PPM1G: variants seen among roughly 807,000 people sequenced by gnomAD.
The protein encoded by PPM1G is protein phosphatase 1G.
Under a neutral mutation model 59.4 loss-of-function variants are expected in PPM1G, and 12 were observed. The observed-to-expected ratio is 0.20, with a 90% CI of 0.13 to 0.33. The LOEUF (loss-of-function observed/expected upper bound fraction) is 0.33, where lower values mean the gene tolerates loss of function less well. Ranked by LOEUF, PPM1G falls within the 10% of genes least tolerant of loss-of-function variation. The pLI, the probability that PPM1G is intolerant of heterozygous loss-of-function variation, is 1.00. For synonymous variants in PPM1G, 245 were observed against 251.9 expected (o/e 0.97, Z 0.26); for missense variants, 392 against 681.3 (o/e 0.58, Z 4.73).
intron 1 of PPM1G, among the ~76,000 whole-genome samples, chr2:27,397,142 T>TA (rs1035821777): frequency 2.6e-5 from 4 of 152,036 alleles, no homozygotes; most frequent in African/African-American, 9.7e-5. Context: ...GTGCTGGGAT[T>TA]ACAGGCGTGA....
rs1000344477 is a variant in PPM1G at position 27,393,236 on chromosome 2, G to T, written c.121-6078C>A. ...CAAAGTTCTTCAAAGCCACATCATC[G>T]CTGTCAAAGTAGTAAGCCACGCACA... On this transcript the variant is annotated intron_variant, in intron 1 of 9. Coordinates refer to ENST00000344034, the MANE Select transcript of PPM1G (RefSeq NM_177983.3). The T allele has an allele frequency of 5.7e-6, 9 of 1,569,472 alleles. No individual in the cohort carries two copies. In the African/African-American group the frequency reaches 9.4e-5, roughly 16 times the overall value.
At chr2:27,403,908 C>T (rs1249322564) in intron 1 of PPM1G, among the ~76,000 whole-genome samples, 1 of 151,744 alleles carries the variant, frequency 6.6e-6, no homozygotes, top group Non-Finnish European at 1.5e-5. Context: ...GAAATTCTGA[C>T]CTGGTTTAGT....
intron 1 of PPM1G, among the ~76,000 whole-genome samples, chr2:27,402,114 C>T (rs1421933151): frequency 7.2e-6 from 1 of 138,050 alleles, no homozygotes; most frequent in Non-Finnish European, 1.6e-5. Flanking sequence ...TTTCTGCTAG[C>T]ATTGGGTCAA....
chr2:27,385,582 C>G lies in PPM1G; in HGVS notation c.409+165G>C. The G allele has an allele frequency of 1.2e-6, 1 of 852,486 alleles. No homozygotes were observed. Among genetic ancestry groups the G allele is most frequent in the Admixed American group, 3.1e-5 (1 of 32,264 alleles). 52.8% of individuals were successfully genotyped at this position (852,486 alleles called of 1,614,324 possible). On this transcript the variant is annotated intron_variant, in intron 4 of 9. Coordinates refer to ENST00000344034, the MANE Select transcript of PPM1G (RefSeq NM_177983.3). The surrounding 1 kb of genome is among the most constrained non-coding windows in gnomAD (Gnocchi z 4.1). ...CCACTCAACGAAGATAATTCTCTCC[C>G]TCCTTTTCATAACCACATACAATGC...
intron 1 of PPM1G, among the ~76,000 whole-genome samples, chr2:27,394,727 G>A (rs1334157934): frequency 3.0e-5 from 4 of 132,904 alleles, no homozygotes; most frequent in Non-Finnish European, 6.2e-5. Context: ...TGGTGACAGA[G>A]TGAGACTCTG....
In PPM1G at chr2:27,384,224, T is replaced by G. The variant is rs1253938003; in HGVS notation, c.826-132A>C. 3 of 1,450,642 alleles carry G rather than the reference T, an allele frequency of 2.1e-6. No homozygotes were observed. Among genetic ancestry groups the G allele is most frequent in the Non-Finnish European group, 2.8e-6 (3 of 1,079,316 alleles). 89.9% of individuals were successfully genotyped at this position (1,450,642 alleles called of 1,614,324 possible). A position where few individuals can be genotyped will look rare whatever the true frequency, so the allele number is the denominator to read the frequency against. On this transcript the variant is annotated intron_variant, in intron 5 of 9. Transcript: ENST00000344034. This position sits in a 1 kb window ranked among gnomAD's most constrained non-coding sequence, Gnocchi z 4.8. ...ACTGAAAGATACAAGTATATGGTCA[T>G]GAAAATTGGGGGGATGGAAAGGGCT...
At chr2:27,386,085 G>C in intron 3 of PPM1G, 109 bp downstream of exon 3, 1 of 1,262,628 alleles carries the variant, frequency 7.9e-7, no homozygotes, top group Admixed American at 2.0e-5. Context: ...TTCTTCAAGA[G>C]TAAATAAGCA....
At chr2:27,388,977 G>A (rs890700898) in intron 1 of PPM1G, among the ~76,000 whole-genome samples, 6 of 150,422 alleles carry the variant, frequency 4.0e-5, no homozygotes, top group Admixed American at 6.6e-5. Flanking sequence ...TCTACTTTTC[G>A]ACATTCATTT....
intron 1 of PPM1G, among the ~76,000 whole-genome samples, chr2:27,405,244 T>A (rs1663326874): frequency 6.6e-6 from 1 of 151,796 alleles, no homozygotes; most frequent in African/African-American, 2.4e-5. Context: ...CAGCTAATTC[T>A]TGTATTTTAG....
chr2:27,387,217 T>G, intron 1 of PPM1G, 59 bp from the exon 2 acceptor site: 2 of 1,405,030 alleles, frequency 1.4e-6, no homozygotes, highest in Non-Finnish European at 2.0e-6. Context: ...CCTCAGGTCA[T>G]AGGGATCAAT....
At chr2:27,387,042 T>C (rs760800086) in intron 2 of PPM1G, 47 bp downstream of exon 2, 1 of 1,471,438 alleles carries the variant, frequency 6.8e-7, no homozygotes, top group Non-Finnish European at 9.5e-7. Context: ...CTGGAACGTC[T>C]GGAATTGGGG....
At chr2:27,392,773 T>A in intron 1 of PPM1G, 1 of 1,445,342 alleles carries the variant, frequency 6.9e-7, no homozygotes, top group Non-Finnish European at 9.6e-7. Flanking sequence ...ATGGGGAAAT[T>A]AGCCTGAGGC....
intron 1 of PPM1G, among the ~76,000 whole-genome samples, chr2:27,387,893 G>A (rs1683808051): frequency 6.6e-6 from 1 of 152,050 alleles, no homozygotes. Flanking sequence ...TCGCCTCCCA[G>A]GTTCACGCCA....
chr2:27,391,444 G>GT (rs753182643), intron 1 of PPM1G, among the ~76,000 whole-genome samples: 11 of 152,236 alleles, frequency 7.2e-5, no homozygotes, highest in South Asian at 4.1e-4. Context: ...AGAAATGGGC[G>GT]TTTTTTCATG....
intron 1 of PPM1G, among the ~76,000 whole-genome samples, chr2:27,397,534 C>T (rs1572666963): frequency 6.6e-6 from 1 of 152,210 alleles, no homozygotes; most frequent in South Asian, 2.1e-4. Flanking sequence ...GTTGGTTTAA[C>T]ATTCAAAAAA....
Position 27,382,640 on chromosome 2 carries a change from T to A in PPM1G, c.1202-35A>T, listed in dbSNP as rs768343938. ...AGGAATGGTTGATGAGCAGTTTGGA[T>A]ACTTCCCACAGACTTGTGTTTGTGG... On this transcript the variant is annotated intron_variant, in intron 7 of 9. Transcript: ENST00000344034. The surrounding 1 kb of genome is among the most constrained non-coding windows in gnomAD (Gnocchi z 4.2). 126 of 1,612,866 alleles carry A rather than the reference T, an allele frequency of 7.8e-5. No individual in the cohort carries two copies. The highest frequency in any genetic ancestry group is 9.5e-5 in the Non-Finnish European group (112 of 1,179,252).
At chr2:27,395,363 G>A (rs1187665161) in intron 1 of PPM1G, among the ~76,000 whole-genome samples, 1 of 151,328 alleles carries the variant, frequency 6.6e-6, no homozygotes, top group Non-Finnish European at 1.5e-5. Context: ...AAAACCCCAT[G>A]TCTACTAAAA....
chr2:27,404,878 A>G (rs1483567514), intron 1 of PPM1G, among the ~76,000 whole-genome samples: 1 of 143,252 alleles, frequency 7.0e-6, no homozygotes, highest in African/African-American at 2.6e-5. Flanking sequence ...CAGGAGGCAG[A>G]GGTTGCAGTG....
intron 1 of PPM1G, among the ~76,000 whole-genome samples, chr2:27,391,899 T>C (rs1683914514): frequency 6.6e-6 from 1 of 151,958 alleles, no homozygotes; most frequent in Non-Finnish European, 1.5e-5. Context: ...GCCCAGCTAA[T>C]TTTTGTATTT....
Sources: gnomAD v4.1 joint callset for allele counts (sites outside exome capture counted in the v4.1 genomes callset) on GRCh38, gnomAD v4.1.1 for gene constraint, Gnocchi (gnomAD v3.1) non-coding constraint, MANE v1.5 for transcripts, NCBI Gene and HGNC (gene_info 2026-07-23, HGNC 2026-07-21) for gene names.